Variants in RETREG3 observed in about 807,000 individuals in gnomAD.
RETREG3 encodes reticulophagy regulator 3.
In RETREG3, 23 loss-of-function variants were observed where a neutral mutation model predicts 50.2. The ratio of observed to expected loss-of-function variants is 0.46; its 90% confidence interval spans 0.33 to 0.65. The LOEUF is 0.65. RETREG3 is among the 30% of genes least tolerant of loss of function. RETREG3 has a pLI of 0.02. For missense variants in RETREG3, 546 were observed against 598.0 expected (o/e 0.91, Z 0.91); for synonymous variants, 240 against 234.4 (o/e 1.02, Z -0.22).
chr17:42,608,970 G>A (rs2093173794), intron 1 of RETREG3, 116 bp downstream of exon 1: 10 of 1,075,352 alleles, frequency 9.3e-6, no homozygotes, highest in African/African-American at 1.6e-5. Context: ...GGCAAAATTA[G>A]GCAAGTACAG....
intron 1 of RETREG3, among the ~76,000 whole-genome samples, chr17:42,604,710 A>G (rs985656777): frequency 2.6e-5 from 4 of 151,668 alleles, no homozygotes; most frequent in Non-Finnish European, 5.9e-5. Flanking sequence ...AAAAAAAAAA[A>G]AAAAAAAACT....
chr17:42,591,297 G>GTATGAA (rs1567922923), intron 2 of RETREG3, among the ~76,000 whole-genome samples: 1 of 150,756 alleles, frequency 6.6e-6, no homozygotes, highest in Non-Finnish European at 1.5e-5. Context: ...ATTTGTTTAT[G>GTATGAA]TATGTATTAG....
rs760358624 is a variant in RETREG3 at position 42,582,691 on chromosome 17, A to G, written c.926T>C (p.Leu309Pro). The G allele has an allele frequency of 2.5e-6, 4 of 1,614,090 alleles. No individual in the cohort carries two copies. Among genetic ancestry groups the G allele is most frequent in the Non-Finnish European group, 3.4e-6 (4 of 1,180,018 alleles). ...CCCCTCACCTTCAGAGCCTTCCGTT[A>G]GAGGTGTTTGGCCCCTTGAAAGATT... Reference protein sequence around the residue: ...TFNLSRGQTPLTEGSEDLDGH... With the variant: ...TFNLSRGQTPPTEGSEDLDGH... Residue 309 changes from leucine (L) to proline (P), a missense_variant, in exon 8 of 9, where the codon CTA (leucine) becomes CCA (proline). By Grantham distance (98) the Leu-to-Pro change is moderately conservative (BLOSUM62 -3). Transcript: ENST00000309428.
intron 7 of RETREG3, 82 bp downstream of exon 7, chr17:42,583,416 A>C: frequency 3.0e-6 from 4 of 1,317,286 alleles, no homozygotes; most frequent in Non-Finnish European, 4.3e-6. Flanking sequence ...AAACCTGGTT[A>C]TGGCCTAAAT....
chr17:42,582,052 G>C lies in RETREG3; in HGVS notation c.1162C>G (p.Pro388Ala). ...TTGCTGGTGAGGTTGGATCCTACAG[G>C]AAGAGCACCAAGCAGGAGCTCCGGC... ...ALPELLLGAL[P>A]VGSNLTSNLA... The change falls in exon 9 of 9, where the codon CCT becomes GCT. Residue 388 changes from proline to alanine, a missense_variant. By Grantham distance (27) the Pro-to-Ala change is conservative (BLOSUM62 -1). Transcript: ENST00000309428. The C allele has an allele frequency of 6.2e-7, 1 of 1,614,086 alleles. No individual in the cohort carries two copies. Among genetic ancestry groups the C allele is most frequent in the Non-Finnish European group, 8.5e-7 (1 of 1,180,006 alleles).
At chr17:42,586,676 A>C in intron 4 of RETREG3, 89 bp downstream of exon 4, 1 of 1,504,894 alleles carries the variant, frequency 6.6e-7, no homozygotes, top group South Asian at 1.3e-5. Context: ...ACTTTCTTGA[A>C]TGAAGACACA....
chr17:42,609,030 T>C (rs2093174019), intron 1 of RETREG3, 56 bp downstream of exon 1: 1 of 1,552,018 alleles, frequency 6.4e-7, no homozygotes, highest in Admixed American at 1.7e-5. Context: ...AGTAGAGCCC[T>C]AGAGGAACCA....
intron 1 of RETREG3, among the ~76,000 whole-genome samples, chr17:42,598,413 A>G (rs538306730): frequency 2.5e-4 from 38 of 152,204 alleles, no homozygotes; most frequent in African/African-American, 9.1e-4. Context: ...CAGAAAATAT[A>G]CCCTTTATGA....
In RETREG3 at chr17:42,602,545, A is replaced by G. The variant is rs1035931779; in HGVS notation, c.239+6541T>C. On this transcript the variant is annotated intron_variant, in intron 1 of 8. Transcript: ENST00000309428. ...CTGGAAAAGCTTCTTAAGTGGCTTA[A>G]AATATGTTACCAAACTACTTGCTAG... 7.9e-5 allele frequency among the ~76,000 whole-genome samples: 12 copies of G among 152,302 alleles called. No individual in the cohort carries two copies. The South Asian group carries it at 1.2e-3, about 16-fold the overall frequency.
intron 1 of RETREG3, among the ~76,000 whole-genome samples, chr17:42,596,897 G>A (rs1426344194): frequency 2.1e-5 from 3 of 141,906 alleles, no homozygotes; most frequent in East Asian, 2.1e-4. Context: ...TTTGAGATAA[G>A]AGTCTGGCTT....
intron 7 of RETREG3, among the ~76,000 whole-genome samples, chr17:42,583,118 TTAAGGCAAA>T (rs1157312420): frequency 6.6e-6 from 1 of 152,014 alleles, no homozygotes; most frequent in East Asian, 1.9e-4. Context: ...CCCACTTACT[TTAAGGCAAA>T]TAATTGATCC....
intron 1 of RETREG3, among the ~76,000 whole-genome samples, chr17:42,600,086 A>C (rs1344740365): frequency 6.6e-6 from 1 of 152,104 alleles, no homozygotes; most frequent in Non-Finnish European, 1.5e-5. Context: ...ACAACAAATA[A>C]AACCACACAC....
At position 42,609,256 on chromosome 17, in the gene RETREG3, T is replaced by C; in HGVS notation, c.69A>G (p.Arg23=). The C allele has an allele frequency of 1.2e-6, 2 of 1,606,468 alleles. No individual in the cohort carries two copies. Among genetic ancestry groups the C allele is most frequent in the Non-Finnish European group, 1.7e-6 (2 of 1,179,748 alleles). Residue 23 remains arginine, a synonymous_variant, in exon 1 of 9, where the codon CGA becomes CGG. Coordinates refer to ENST00000309428, the MANE Select transcript of RETREG3 (RefSeq NM_178126.4). The part of the protein sequence containing the change: ...PASGSTFRGR[R]DVSGSWERDQ... ...CCCGCTCCCAGGAGCCTGACACATC[T>C]CGGCGGCCCCTGAAAGTCGACCCCG...
intron 1 of RETREG3, among the ~76,000 whole-genome samples, chr17:42,607,155 T>C (rs527641999): frequency 6.6e-6 from 1 of 152,006 alleles, no homozygotes; most frequent in Non-Finnish European, 1.5e-5. Flanking sequence ...TGAGGTGCTA[T>C]AGTGAAGATT....
Position 42,595,796 on chromosome 17 carries a change from G to A in RETREG3, c.240-3634C>T, listed in dbSNP as rs184884466. Among the ~76,000 whole-genome samples, 441 of 149,922 alleles carry A rather than the reference G, an allele frequency of 2.9e-3. 3 individuals carry two copies. Among genetic ancestry groups the A allele is most frequent in the African/African-American group, 0.01 (421 of 40,898 alleles). On this transcript the variant is annotated intron_variant, in intron 1 of 8. Transcript: ENST00000309428. Reference sequence around the variant, plus strand: ...AGATTGATTCTCCCTGCCTCAGCGCGCTGAGGCAGGAGGATTGGTTGGTTA... The same window carrying A: ...AGATTGATTCTCCCTGCCTCAGCGCACTGAGGCAGGAGGATTGGTTGGTTA...
Position 42,581,573 on chromosome 17 carries a change from A to G in RETREG3, c.*240T>C. ...CCCCCAAAGTACCATCCTGATGGAG[A>G]GAAGCCTCCCTTGGGGGAGCACACT... is the stretch of plus-strand genomic sequence containing the variant. On this transcript the variant is annotated 3_prime_UTR_variant, in exon 9 of 9. Transcript: ENST00000309428. 1 of 483,842 alleles carries G rather than the reference A, an allele frequency of 2.1e-6. No individual in the cohort carries two copies. The highest frequency in any genetic ancestry group is 3.6e-6 in the Non-Finnish European group (1 of 274,292). 30.0% of individuals were successfully genotyped at this position (483,842 alleles called of 1,614,324 possible). A position where few individuals can be genotyped will look rare whatever the true frequency, so the allele number is the denominator to read the frequency against.
chr17:42,584,612 T>A (rs2093117198), intron 6 of RETREG3, among the ~76,000 whole-genome samples: 1 of 151,954 alleles, frequency 6.6e-6, no homozygotes, highest in South Asian at 2.1e-4. Context: ...GAGTTCAGGA[T>A]CAGCCTGGGC....
chr17:42,589,461 G>A (rs575471636), intron 2 of RETREG3, among the ~76,000 whole-genome samples: 56 of 152,072 alleles, frequency 3.7e-4, no homozygotes, highest in Non-Finnish European at 7.4e-4. Flanking sequence ...TGAGACAGGT[G>A]TCGCCCTGTT....
chr17:42,582,901 G>A (rs916585129), intron 7 of RETREG3, 95 bp from the exon 8 acceptor site: 16 of 1,495,716 alleles, frequency 1.1e-5, no homozygotes, highest in East Asian at 6.9e-5. Context: ...TTAGTTATCC[G>A]AAGGCCATCA....
Sources: allele counts gnomAD v4.1 joint callset (sites outside exome capture counted in the v4.1 genomes callset), GRCh38; gene constraint gnomAD v4.1.1; transcripts MANE v1.5; gene names NCBI Gene and HGNC (gene_info 2026-07-23, HGNC 2026-07-21).